The following FAM120C variants were observed in gnomAD, a reference collection of about 807,000 sequenced individuals.
FAM120C encodes the protein family with sequence similarity 120 member C.
FAM120C carries 14 observed loss-of-function variants against 71.2 expected under a neutral mutation model. The observed-to-expected ratio is 0.20, with a 90% CI of 0.13 to 0.31. FAM120C has a LOEUF of 0.31. FAM120C is among the 10% of genes least tolerant of loss of function. FAM120C has a pLI of 1.00. For synonymous variants in FAM120C, 354 were observed against 353.2 expected, an observed-to-expected ratio of 1.00 and a Z score of -0.03; for missense variants, 500 against 879.0, an observed-to-expected ratio of 0.57 and a Z score of 5.45.
At chrX:54,078,775 A>G (rs2066749150) in intron 15 of FAM120C, among the ~76,000 whole-genome samples, 1 of 110,874 alleles carries the variant, frequency 9.0e-6, no homozygotes, top group Non-Finnish European at 1.9e-5. Flanking sequence ...TTGGATCACT[A>G]CAAGAATAGG....
intron 14 of FAM120C, among the ~76,000 whole-genome samples, chrX:54,080,863 G>GAAAA (rs35030129): frequency 1.3e-5 from 1 of 77,640 alleles, no homozygotes; most frequent in African/African-American, 5.2e-5. Context: ...TCCATCTCAA[G>GAAAA]AAAAAAAAAA....
intron 13 of FAM120C, 151 bp from the exon 14 acceptor site, chrX:54,081,611 A>C: frequency 5.5e-6 from 3 of 549,524 alleles, no homozygotes; most frequent in Non-Finnish European, 8.2e-6. Flanking sequence ...TGTCTCTACT[A>C]AAAATACAAA....
chrX:54,161,138 G>C (rs1308653696), intron 1 of FAM120C, among the ~76,000 whole-genome samples: 1 of 111,601 alleles, frequency 9.0e-6, no homozygotes, highest in Admixed American at 9.5e-5. Context: ...GATGTGTCAG[G>C]GTAGGAGTAA....
At chrX:54,131,318 G>C (rs1245947591) in intron 9 of FAM120C, among the ~76,000 whole-genome samples, 1 of 111,318 alleles carries the variant, frequency 9.0e-6, no homozygotes, top group Non-Finnish European at 1.9e-5. Flanking sequence ...ACCCAGGCTG[G>C]AGTGCAGTGG....
In FAM120C at chrX:54,071,421, GA is replaced by G. The variant is rs2066708263; in HGVS notation, c.*1611del. ...GTAGTCAGAATGTCAATGAACAAAT[GA>G]AACAATCTAGGCGTGTAAAATCAAA... is the stretch of plus-strand genomic sequence containing the variant. On this transcript the variant is annotated 3_prime_UTR_variant, in exon 16 of 16. Coordinates refer to ENST00000375180, the MANE Select transcript of FAM120C (RefSeq NM_017848.6). 8.9e-6 allele frequency: 1 copy of G among 112,771 alleles called. No homozygotes were observed. The highest frequency in any genetic ancestry group is 3.6e-4 in the South Asian group (1 of 2,781). The allele number at this position is 112,771 out of a possible 1,213,427, so 9.3% of individuals were successfully genotyped here. A position where few individuals can be genotyped will look rare whatever the true frequency, so the allele number is the denominator to read the frequency against.
At chrX:54,078,870 A>G (rs1220763491) in intron 15 of FAM120C, among the ~76,000 whole-genome samples, 10 of 110,499 alleles carry the variant, frequency 9.0e-5, no homozygotes, top group Non-Finnish European at 1.9e-4. Context: ...CATGGATTAG[A>G]AGAAAGTTTA....
At chrX:54,177,428 G>A (rs782329740) in intron 1 of FAM120C, among the ~76,000 whole-genome samples, 1 of 111,233 alleles carries the variant, frequency 9.0e-6, no homozygotes, top group African/African-American at 3.3e-5. Context: ...CATTTCTGAC[G>A]TAGAACTCAA....
intron 1 of FAM120C, among the ~76,000 whole-genome samples, chrX:54,164,486 C>A (rs2067250545): frequency 8.9e-6 from 1 of 111,947 alleles, no homozygotes; most frequent in African/African-American, 3.2e-5. Context: ...CTTTAGGTAC[C>A]TCATATAAGC....
At chrX:54,174,150 C>T in intron 1 of FAM120C, 1 of 513,179 alleles carries the variant, frequency 1.9e-6, no homozygotes, top group Non-Finnish European at 3.5e-6. Flanking sequence ...CAGCTTGCTT[C>T]ATCAGAGTGA....
At chrX:54,084,472 C>T (rs781893721) in intron 13 of FAM120C, among the ~76,000 whole-genome samples, 2 of 112,122 alleles carry the variant, frequency 1.8e-5, no homozygotes, top group African/African-American at 3.2e-5. Context: ...TCAACCACAG[C>T]GATGACACTC....
intron 10 of FAM120C, among the ~76,000 whole-genome samples, 164 bp from the exon 11 acceptor site, chrX:54,091,590 G>A (rs1557122633): frequency 8.9e-6 from 1 of 112,193 alleles, no homozygotes; most frequent in Non-Finnish European, 1.9e-5. Flanking sequence ...TCCAGTCTGG[G>A]TGGTAGAGGA....
chrX:54,126,177 C>T lies in FAM120C; in HGVS notation c.2062+6515G>A, dbSNP rs145097192. On this transcript the variant is annotated intron_variant, in intron 9 of 15. Transcript: ENST00000375180. ...CAATTACAGTTTTATTTCTTCCTTA[C>T]TGATGTCTATGCCTTCTATTTCATT... 4.4e-3 allele frequency among the ~76,000 whole-genome samples: 493 copies of T among 112,219 alleles called. 2 individuals are homozygous for T. Among genetic ancestry groups the T allele is most frequent in the Middle Eastern group, 0.028 (6 of 216 alleles).
At chrX:54,077,995 G>A (rs959498740) in intron 15 of FAM120C, among the ~76,000 whole-genome samples, 2 of 93,044 alleles carry the variant, frequency 2.1e-5, no homozygotes, top group African/African-American at 8.0e-5. Context: ...CCAGGCTGGA[G>A]TGCAGTGGCG....
chrX:54,073,372 A>C (rs925789002), intron 15 of FAM120C, 85 bp from the exon 16 acceptor site: 30 of 984,493 alleles, frequency 3.0e-5, no homozygotes, highest in African/African-American at 3.9e-5. Context: ...TAGCCTGAGG[A>C]AGCGGCTTCA....
chrX:54,137,983 T>C (rs1443012084), intron 4 of FAM120C, among the ~76,000 whole-genome samples: 2 of 111,812 alleles, frequency 1.8e-5, no homozygotes, highest in Non-Finnish European at 3.8e-5. Flanking sequence ...AATGAGTACA[T>C]ATATCCACCA....
chrX:54,128,477 T>A (rs1209315099), intron 9 of FAM120C, among the ~76,000 whole-genome samples: 2 of 103,793 alleles, frequency 1.9e-5, no homozygotes, highest in African/African-American at 6.9e-5. Context: ...CTTTGCCTAC[T>A]TTTTTTTTTT....
intron 1 of FAM120C, chrX:54,173,914 C>G (rs1255123729): frequency 5.1e-6 from 2 of 391,306 alleles, no homozygotes; most frequent in African/African-American, 5.0e-5. Flanking sequence ...CTCAAGGTCT[C>G]CTACAGGCTT....
chrX:54,133,748 G>A (rs1314775368), intron 8 of FAM120C, 25 bp downstream of exon 8: 2 of 1,199,186 alleles, frequency 1.7e-6, no homozygotes, highest in African/African-American at 3.5e-5. Context: ...AGAGCAGGGA[G>A]GTAGGTGCTG....
At chrX:54,117,323 A>C (rs1291245870) in intron 9 of FAM120C, among the ~76,000 whole-genome samples, 2 of 106,161 alleles carry the variant, frequency 1.9e-5, no homozygotes, top group African/African-American at 7.0e-5. Context: ...ACTGCACTCC[A>C]GCCTGGGTGA....
Sources: allele counts gnomAD v4.1 joint callset (sites outside exome capture counted in the v4.1 genomes callset), GRCh38; gene constraint gnomAD v4.1.1; transcripts MANE v1.5; gene names NCBI Gene and HGNC (gene_info 2026-07-23, HGNC 2026-07-21).